SCAI: variants seen among roughly 807,000 people sequenced by gnomAD.
SCAI encodes the protein protein SCAI.
Under a neutral mutation model 92.2 loss-of-function variants are expected in SCAI, and 24 were observed. The observed-to-expected ratio is 0.26, with a 90% CI of 0.19 to 0.37. SCAI has a LOEUF of 0.37. SCAI is among the 10% of genes least tolerant of loss of function. SCAI has a pLI of 1.00. For missense variants in SCAI, 450 were observed against 736.2 expected (o/e 0.61, Z 4.50); for synonymous variants, 261 against 258.6 (o/e 1.01, Z -0.09).
chr9:124,988,307 A>G (rs973949858), intron 14 of SCAI, among the ~76,000 whole-genome samples: 2 of 152,040 alleles, frequency 1.3e-5, no homozygotes, highest in Non-Finnish European at 2.9e-5. Context: ...CTAGGCTCCA[A>G]TCTTAAGTAT....
chr9:124,948,900 G>T lies in SCAI; in HGVS notation c.*3907C>A, dbSNP rs1317173940. 6.6e-6 allele frequency: 1 copy of T among 152,084 alleles called. No individual in the cohort carries two copies. Among genetic ancestry groups the T allele is most frequent in the Non-Finnish European group, 1.5e-5 (1 of 68,022 alleles). 9.4% of individuals were successfully genotyped at this position (152,084 alleles called of 1,614,324 possible). ...GAATTATAAAATTAAATACATTAGG[G>T]TTTAAATTTTTTTATAAAGGGCAGG... is the stretch of plus-strand genomic sequence containing the variant. On this transcript the variant is annotated 3_prime_UTR_variant, in exon 18 of 18. Transcript: ENST00000336505.
At chr9:125,112,365 GAAGAA>G (rs1273564855) in intron 2 of SCAI, among the ~76,000 whole-genome samples, 1 of 152,120 alleles carries the variant, frequency 6.6e-6, no homozygotes, top group Non-Finnish European at 1.5e-5. Context: ...GACACGGAAA[GAAGAA>G]AATATAAGAA....
chr9:125,040,461 T>C (rs1484466949), intron 3 of SCAI, among the ~76,000 whole-genome samples: 1 of 152,234 alleles, frequency 6.6e-6, no homozygotes, highest in Non-Finnish European at 1.5e-5. Flanking sequence ...AAACTACATA[T>C]AATGTCCTGC....
At chr9:125,103,699 T>G (rs1834722995) in intron 2 of SCAI, among the ~76,000 whole-genome samples, 1 of 152,242 alleles carries the variant, frequency 6.6e-6, no homozygotes, top group Admixed American at 6.5e-5. Flanking sequence ...AATCAAGTGA[T>G]GTTGTTTCAC....
chr9:125,023,638 C>T (rs1019848806), intron 6 of SCAI, among the ~76,000 whole-genome samples: 5 of 151,712 alleles, frequency 3.3e-5, no homozygotes, highest in African/African-American at 1.2e-4. Flanking sequence ...GCATATTCAT[C>T]TTTTCCCTTT....
At chr9:125,028,738 T>C (rs1833013204) in intron 4 of SCAI, among the ~76,000 whole-genome samples, 1 of 152,214 alleles carries the variant, frequency 6.6e-6, no homozygotes, top group South Asian at 2.1e-4. Context: ...ACCTATGCTC[T>C]AGCTGATCTG....
intron 3 of SCAI, among the ~76,000 whole-genome samples, chr9:125,037,301 GTAGGAC>G (rs1833217506): frequency 1.3e-5 from 2 of 151,618 alleles, no homozygotes; most frequent in Middle Eastern, 3.4e-3. Flanking sequence ...GCCAGGCCTG[GTAGGAC>G]TACATGCCTA....
At chr9:125,005,015 C>T (rs989612307) in intron 9 of SCAI, among the ~76,000 whole-genome samples, 4 of 149,322 alleles carry the variant, frequency 2.7e-5, no homozygotes, top group Non-Finnish European at 4.5e-5. Context: ...CTTGAACTCC[C>T]GACCTCAGAT....
rs1244953700 is a variant in SCAI at position 124,960,861 on chromosome 9, T to G, written c.1675-7908A>C. 2.0e-5 allele frequency among the ~76,000 whole-genome samples: 3 copies of G among 152,162 alleles called. No individual in the cohort carries two copies. The East Asian group carries it at 5.8e-4, about 29-fold the overall frequency. On this transcript the variant is annotated intron_variant, in intron 17 of 17. Coordinates refer to ENST00000336505, the MANE Select transcript of SCAI (RefSeq NM_001144877.3). ...TAGGTGGGTCACAGTGGCTCATGCC[T>G]ATTACCCCACTTTGGGAGGCCAAGG...
chr9:125,002,657 T>C (rs1015036485), intron 11 of SCAI, among the ~76,000 whole-genome samples: 1 of 151,790 alleles, frequency 6.6e-6, no homozygotes, highest in Non-Finnish European at 1.5e-5. Flanking sequence ...TAATTTTGTA[T>C]TCTTTTAGTA....
intron 2 of SCAI, among the ~76,000 whole-genome samples, chr9:125,083,488 A>T (rs1180439053): frequency 6.7e-6 from 1 of 148,962 alleles, no homozygotes; most frequent in Non-Finnish European, 1.5e-5. Flanking sequence ...AATGCACTCC[A>T]GCCTATGCGA....
chr9:125,143,518 G>A lies in SCAI; in HGVS notation c.-81C>T, dbSNP rs909529520. 6.6e-6 allele frequency: 8 copies of A among 1,212,084 alleles called. No individual in the cohort carries two copies. The highest frequency in any genetic ancestry group is 7.4e-6 in the Non-Finnish European group (7 of 947,634). 75.1% of individuals were successfully genotyped at this position (1,212,084 alleles called of 1,614,324 possible). On this transcript the variant is annotated 5_prime_UTR_variant, in exon 1 of 18. Transcript: ENST00000336505. ...AGCTGAGGCGGCGGAGGCTGGAGTA[G>A]GCGGAGAGGCGGGAGGAGGGCCTCG...
At chr9:125,122,267 CTTCTTT>C (rs1436186682) in intron 2 of SCAI, among the ~76,000 whole-genome samples, 1 of 152,170 alleles carries the variant, frequency 6.6e-6, no homozygotes, top group Non-Finnish European at 1.5e-5. Flanking sequence ...ACATTTTCCT[CTTCTTT>C]TTAACTTATA....
intron 2 of SCAI, among the ~76,000 whole-genome samples, chr9:125,066,341 C>T (rs574385230): frequency 2.0e-5 from 3 of 152,328 alleles, no homozygotes; most frequent in South Asian, 4.1e-4. Flanking sequence ...TAGGCCTTCA[C>T]ATTCACTCAC....
intron 2 of SCAI, among the ~76,000 whole-genome samples, chr9:125,126,573 T>G (rs540828630): frequency 5.1e-5 from 7 of 136,142 alleles, no homozygotes; most frequent in African/African-American, 1.7e-4. Context: ...TGTGGGTGTG[T>G]GTGTGTGTGT....
chr9:125,125,684 C>T (rs1405896202), intron 2 of SCAI, among the ~76,000 whole-genome samples: 3 of 151,364 alleles, frequency 2.0e-5, no homozygotes, highest in Non-Finnish European at 4.4e-5. Context: ...ACAAAAAAAT[C>T]AGCCACGCAT....
intron 2 of SCAI, among the ~76,000 whole-genome samples, chr9:125,075,127 A>C (rs1002569932): frequency 1.6e-4 from 25 of 152,342 alleles, no homozygotes; most frequent in Middle Eastern, 3.4e-3. Context: ...CACAAAATGA[A>C]AGAAAGCATC....
In SCAI at chr9:125,092,451, AAAC is replaced by A. The variant is rs901846736; in HGVS notation, c.99-36447_99-36445del. 5.9e-5 allele frequency among the ~76,000 whole-genome samples: 9 copies of A among 152,178 alleles called. No homozygotes were observed. In the South Asian group the frequency reaches 1.2e-3, roughly 21 times the overall value. On this transcript the variant is annotated intron_variant, in intron 2 of 17. Coordinates refer to ENST00000336505, the MANE Select transcript of SCAI (RefSeq NM_001144877.3). ...CTGGGCAACAGAGCAAGACTCTGTCAAACAACAACAACAACAAAAAACCACCAG... is the reference window on the plus strand; with the variant it reads ...CTGGGCAACAGAGCAAGACTCTGTCAAACAACAACAACAAAAAACCACCAG...
intron 6 of SCAI, among the ~76,000 whole-genome samples, chr9:125,024,199 AACG>A (rs1246569727): frequency 8.1e-4 from 124 of 152,154 alleles, no homozygotes; most frequent in Middle Eastern, 6.8e-3. Context: ...ACATGTTGTC[AACG>A]TCAACATAAG....
Sources: allele counts gnomAD v4.1 joint callset (sites outside exome capture counted in the v4.1 genomes callset), GRCh38; gene constraint gnomAD v4.1.1; transcripts MANE v1.5; gene names NCBI Gene and HGNC (gene_info 2026-07-23, HGNC 2026-07-21).